Variants in TBL1X observed in about 807,000 individuals in gnomAD.
TBL1X encodes the protein transducin beta like 1 X-linked, also known as F-box-like/WD repeat-containing protein TBL1X.
Under a neutral mutation model 50.7 loss-of-function variants are expected in TBL1X, and 10 were observed. The observed-to-expected ratio is 0.20, with a 90% CI of 0.12 to 0.33. The LOEUF (loss-of-function observed/expected upper bound fraction) is 0.33, where lower values mean the gene tolerates loss of function less well. Among genes scored for constraint, TBL1X ranks in the 10% least tolerant of loss-of-function variants. The probability of loss-of-function intolerance (pLI) is 1.00; values close to 1 mark genes in which losing one functional copy is unlikely to be tolerated. For synonymous variants in TBL1X, 190 were observed against 214.7 expected (o/e 0.88, Z 1.01); for missense variants, 340 against 504.4 (o/e 0.67, Z 3.12).
rs1436031302 is a variant in TBL1X, at chrX:9,705,566, G to A, written c.1236+452G>A. On this transcript the variant is annotated intron_variant, in intron 13 of 17. Transcript: ENST00000645353. ...GGCCAGGAGTTTGAGGCCAGCCTGA[G>A]CAACATAGCAAGACTCTGTCTCTAC... is the stretch of plus-strand genomic sequence containing the variant. Among the ~76,000 whole-genome samples the A allele has an allele frequency of 2.7e-5, 3 of 110,162 alleles. No homozygotes were observed. The Admixed American group carries it at 2.9e-4, about 11-fold the overall frequency.
chrX:9,691,278 A>G (rs1317952603), intron 7 of TBL1X, among the ~76,000 whole-genome samples: 1 of 109,758 alleles, frequency 9.1e-6, no homozygotes, highest in Non-Finnish European at 1.9e-5. Flanking sequence ...TCTACTAAAA[A>G]TACAAAAATT....
At chrX:9,701,381 T>C (rs2083170471) in intron 12 of TBL1X, among the ~76,000 whole-genome samples, 1 of 109,029 alleles carries the variant, frequency 9.2e-6, no homozygotes, top group Non-Finnish European at 1.9e-5. Context: ...TACCGGCCAT[T>C]CACCCACATG....
intron 1 of TBL1X, among the ~76,000 whole-genome samples, chrX:9,469,310 G>A (rs56195123): frequency 0.17 from 18,785 of 110,856 alleles, 1,346 homozygotes; most frequent in Non-Finnish European, 0.22. Flanking sequence ...TTACAGGCAT[G>A]CTCCACCACA....
chrX:9,520,657 A>G (rs922743713), intron 2 of TBL1X, among the ~76,000 whole-genome samples: 2 of 111,688 alleles, frequency 1.8e-5, no homozygotes, highest in Non-Finnish European at 3.8e-5. Context: ...TAGTGGCTAA[A>G]AAGATGGGGG....
chrX:9,709,605 C>T, intron 14 of TBL1X, 28 bp from the exon 15 acceptor site: 8 of 1,206,374 alleles, frequency 6.6e-6, no homozygotes, highest in Non-Finnish European at 9.0e-6. Context: ...ATGGCTTTTG[C>T]TCATGTTGTG....
At position 9,646,870 on chromosome X, in the gene TBL1X, C is replaced by T. The variant is rs148573877; in HGVS notation, c.-43+6510C>T. Among the ~76,000 whole-genome samples, 4 of 112,392 alleles carry T rather than the reference C, an allele frequency of 3.6e-5. No homozygotes were observed. The East Asian group carries it at 8.4e-4, about 23-fold the overall frequency. On this transcript the variant is annotated intron_variant, in intron 3 of 17. Coordinates refer to ENST00000645353, the MANE Select transcript of TBL1X (RefSeq NM_005647.4). ...TGTGCGCTGCCCTTCCTACAATACA[C>T]GCCCCCTTCATCAGCTCGTGCTTCC... is the stretch of plus-strand genomic sequence containing the variant.
In TBL1X at chrX:9,572,710, C is replaced by G. The variant is rs1190394084; in HGVS notation, c.-130-67563C>G. Among the ~76,000 whole-genome samples, 3 of 112,619 alleles carry G rather than the reference C, an allele frequency of 2.7e-5. 1 individual carries two copies. Among genetic ancestry groups the G allele is most frequent in the Non-Finnish European group, 5.6e-5 (3 of 53,381 alleles). ...TACATGGAATAGTCAAAATGGACTT[C>G]TGACATTTGCTGCAAAGTAGGACAA... On this transcript the variant is annotated intron_variant, in intron 2 of 17. Coordinates refer to ENST00000645353, the MANE Select transcript of TBL1X (RefSeq NM_005647.4).
intron 2 of TBL1X, chrX:9,637,185 A>G (rs190930601): frequency 1.2e-4 from 13 of 112,106 alleles, no homozygotes; most frequent in Non-Finnish European, 2.1e-4. Context: ...AAAACATCGG[A>G]AAACAATAGC....
At chrX:9,657,690 C>T (rs1227500918) in intron 5 of TBL1X, among the ~76,000 whole-genome samples, 1 of 112,725 alleles carries the variant, frequency 8.9e-6, no homozygotes, top group African/African-American at 3.2e-5. Context: ...GCCCTTGTTA[C>T]TTGTCCAAAG....
At chrX:9,662,029 C>G (rs1338604900) in intron 5 of TBL1X, among the ~76,000 whole-genome samples, 1 of 111,491 alleles carries the variant, frequency 9.0e-6, no homozygotes, top group Non-Finnish European at 1.9e-5. Context: ...GAAAGAAGCA[C>G]TTCCCTGAGG....
intron 1 of TBL1X, among the ~76,000 whole-genome samples, chrX:9,490,827 TAAATG>T (rs1283579119): frequency 1.3e-4 from 15 of 112,127 alleles, no homozygotes; most frequent in Admixed American, 1.0e-3. Context: ...AGTAGCTTAA[TAAATG>T]GACCGTTTAT....
chrX:9,572,915 C>A (rs964438610), intron 2 of TBL1X, among the ~76,000 whole-genome samples: 1 of 112,249 alleles, frequency 8.9e-6, no homozygotes, highest in Non-Finnish European at 1.9e-5. Context: ...GATGTGAGCT[C>A]CTTGAAATAA....
intron 2 of TBL1X, among the ~76,000 whole-genome samples, chrX:9,537,632 G>A (rs150125471): frequency 4.7e-4 from 53 of 111,932 alleles, no homozygotes; most frequent in Non-Finnish European, 5.1e-4. Flanking sequence ...CATAGCATGC[G>A]TCAGAATTTC....
chrX:9,579,597 A>G (rs189939017), intron 2 of TBL1X, among the ~76,000 whole-genome samples: 2 of 111,553 alleles, frequency 1.8e-5, no homozygotes, highest in East Asian at 5.7e-4. Flanking sequence ...CCTTTACACC[A>G]CAGAGCCTCT....
At chrX:9,603,915 C>T (rs891064352) in intron 2 of TBL1X, among the ~76,000 whole-genome samples, 26 of 111,379 alleles carry the variant, frequency 2.3e-4, no homozygotes, top group African/African-American at 7.8e-4. Flanking sequence ...CATGGCCTCC[C>T]TGGGTGTCTC....
chrX:9,499,837 G>T (rs982468246), intron 1 of TBL1X, among the ~76,000 whole-genome samples: 1 of 110,198 alleles, frequency 9.1e-6, no homozygotes, highest in Non-Finnish European at 1.9e-5. Flanking sequence ...TTAGCCGGAC[G>T]TGGTGGCAGG....
At chrX:9,592,738 C>T (rs2082507239) in intron 2 of TBL1X, among the ~76,000 whole-genome samples, 1 of 112,122 alleles carries the variant, frequency 8.9e-6, no homozygotes, top group Admixed American at 9.4e-5. Flanking sequence ...CCTTCTGCGT[C>T]TGGCTTATTT....
At chrX:9,543,029 C>T (rs1228995589) in intron 2 of TBL1X, among the ~76,000 whole-genome samples, 4 of 112,230 alleles carry the variant, frequency 3.6e-5, no homozygotes, top group East Asian at 2.8e-4. Context: ...TCACCTGCCC[C>T]GGACTCCTCC....
intron 2 of TBL1X, among the ~76,000 whole-genome samples, chrX:9,586,086 TCAG>T (rs1336446388): frequency 8.9e-6 from 1 of 112,306 alleles, no homozygotes; most frequent in East Asian, 2.8e-4. Flanking sequence ...AGACTATAGT[TCAG>T]CAGTTTCTTA....
Sources: gnomAD v4.1 joint callset for allele counts (sites outside exome capture counted in the v4.1 genomes callset) on GRCh38, gnomAD v4.1.1 for gene constraint, MANE v1.5 for transcripts, NCBI Gene and HGNC (gene_info 2026-07-23, HGNC 2026-07-21) for gene names.